The following EPHA5 variants were observed in gnomAD, a reference collection of about 807,000 sequenced individuals.
EPHA5 encodes the protein ephrin type-A receptor 5.
A neutral mutation model predicts 105.0 loss-of-function variants in EPHA5; 60 were observed. The observed-to-expected ratio is 0.57, with a 90% CI of 0.46 to 0.71. EPHA5 has a LOEUF of 0.71. Ranked by LOEUF, EPHA5 falls within the 30% of genes least tolerant of loss-of-function variation. The probability of loss-of-function intolerance (pLI) is 0.00; values close to 1 mark genes in which losing one functional copy is unlikely to be tolerated. For missense variants in EPHA5, 1,218 were observed against 1,274.7 expected, an observed-to-expected ratio of 0.96 and a Z score of 0.68; for synonymous variants, 513 against 449.1, an observed-to-expected ratio of 1.14 and a Z score of -1.80.
chr4:65,434,369 A>C (rs1319802236), intron 5 of EPHA5, among the ~76,000 whole-genome samples: 1 of 152,132 alleles, frequency 6.6e-6, no homozygotes, highest in Admixed American at 6.6e-5. Context: ...GGTTTTCGCC[A>C]TGTTTGTGTC....
chr4:65,431,457 T>C (rs1261762920), intron 5 of EPHA5, among the ~76,000 whole-genome samples: 3 of 152,176 alleles, frequency 2.0e-5, no homozygotes, highest in African/African-American at 4.8e-5. Flanking sequence ...AGGACTCATA[T>C]GTAAGTTTCT....
chr4:65,585,667 T>C (rs1742051570), intron 3 of EPHA5, among the ~76,000 whole-genome samples: 1 of 151,820 alleles, frequency 6.6e-6, no homozygotes, highest in Non-Finnish European at 1.5e-5. Context: ...AATCTGAAGA[T>C]TATTGGAGAT....
intron 12 of EPHA5, among the ~76,000 whole-genome samples, chr4:65,352,476 G>C (rs1489789133): frequency 6.6e-6 from 1 of 151,926 alleles, no homozygotes; most frequent in East Asian, 1.9e-4. Context: ...TTAAAATTTA[G>C]AGATTTGCAC....
chr4:65,622,164 C>A (rs1195571339), intron 2 of EPHA5, among the ~76,000 whole-genome samples: 2 of 151,958 alleles, frequency 1.3e-5, no homozygotes, highest in African/African-American at 2.4e-5. Flanking sequence ...AGAAAAGTAA[C>A]TTTTTTGTTG....
chr4:65,592,486 C>G (rs1167452540), intron 3 of EPHA5, among the ~76,000 whole-genome samples: 2 of 151,332 alleles, frequency 1.3e-5, no homozygotes, highest in Non-Finnish European at 2.9e-5. Flanking sequence ...TGGCTACATC[C>G]TCAAGAGGAC....
chr4:65,490,740 CAT>C (rs1247536471), intron 4 of EPHA5, 28 bp from the exon 5 acceptor site: 2 of 1,599,714 alleles, frequency 1.3e-6, no homozygotes, highest in Admixed American at 3.4e-5. Context: ...GTAAGAAAAA[CAT>C]ATTTTAAGAT....
rs1463589389 is a variant in EPHA5, at chr4:65,323,825, A to G, written c.*289T>C. 1 of 262,820 alleles carries G rather than the reference A, an allele frequency of 3.8e-6. No homozygotes were observed. The highest frequency in any genetic ancestry group is 7.3e-6 in the Non-Finnish European group (1 of 137,258). 16.3% of individuals were successfully genotyped at this position (262,820 alleles called of 1,614,324 possible). ...ATATAATTATATATTTCATGTACAA[A>G]ATTTTGTAGAAGTAGTGGGAAGGAT... On this transcript the variant is annotated 3_prime_UTR_variant, in exon 17 of 17. Transcript: ENST00000613740.
intron 1 of EPHA5, among the ~76,000 whole-genome samples, chr4:65,667,023 T>A (rs1750024541): frequency 1.3e-5 from 2 of 152,146 alleles, no homozygotes; most frequent in Non-Finnish European, 2.9e-5. Context: ...TCACTAAGCA[T>A]CTATAGATTG....
chr4:65,613,530 T>A (rs1442098724), intron 2 of EPHA5, among the ~76,000 whole-genome samples: 1 of 152,106 alleles, frequency 6.6e-6, no homozygotes, highest in Non-Finnish European at 1.5e-5. Context: ...TCAATTTGTT[T>A]GTGTCATCTA....
intron 3 of EPHA5, among the ~76,000 whole-genome samples, chr4:65,543,096 C>A (rs527910246): frequency 2.0e-5 from 3 of 151,938 alleles, no homozygotes; most frequent in Non-Finnish European, 4.4e-5. Flanking sequence ...CTATTTATTG[C>A]AAACCTACAG....
At chr4:65,475,586 C>G (rs774193381) in intron 5 of EPHA5, among the ~76,000 whole-genome samples, 6 of 152,074 alleles carry the variant, frequency 3.9e-5, no homozygotes, top group African/African-American at 1.4e-4. Flanking sequence ...GAAACCTCAG[C>G]ATGAGGTTTT....
chr4:65,584,875 A>G (rs1217289729), intron 3 of EPHA5, among the ~76,000 whole-genome samples: 1 of 152,010 alleles, frequency 6.6e-6, no homozygotes, highest in East Asian at 1.9e-4. Context: ...TATTACATAT[A>G]CAGCCTTCTT....
At chr4:65,457,181 G>T (rs574975661) in intron 5 of EPHA5, among the ~76,000 whole-genome samples, 2 of 152,270 alleles carry the variant, frequency 1.3e-5, no homozygotes, top group South Asian at 4.1e-4. Context: ...ACATTGAGCT[G>T]CACAGGAAGA....
chr4:65,646,249 T>C (rs1481965805), intron 1 of EPHA5, among the ~76,000 whole-genome samples: 1 of 152,142 alleles, frequency 6.6e-6, no homozygotes, highest in East Asian at 1.9e-4. Context: ...TCTAAAACAC[T>C]GAATGCACAG....
At chr4:65,574,631 T>TATATATATACAC (rs1489048013) in intron 3 of EPHA5, among the ~76,000 whole-genome samples, 5 of 81,638 alleles carry the variant, frequency 6.1e-5, no homozygotes, top group Non-Finnish European at 1.4e-4. Context: ...TATATACACA[T>TATATATATACAC]ATATATATAC....
At chr4:65,595,276 T>C (rs1743058973) in intron 3 of EPHA5, among the ~76,000 whole-genome samples, 1 of 152,122 alleles carries the variant, frequency 6.6e-6, no homozygotes, top group Non-Finnish European at 1.5e-5. Flanking sequence ...TGTATATATG[T>C]CCACATTCCT....
chr4:65,567,763 T>A (rs1739704279), intron 3 of EPHA5, among the ~76,000 whole-genome samples: 1 of 151,574 alleles, frequency 6.6e-6, no homozygotes, highest in Non-Finnish European at 1.5e-5. Context: ...AAACTCAAAA[T>A]ATGTATCAGT....
intron 13 of EPHA5, among the ~76,000 whole-genome samples, chr4:65,349,035 C>G (rs1441122351): frequency 6.6e-6 from 1 of 151,260 alleles, no homozygotes; most frequent in South Asian, 2.1e-4. Flanking sequence ...AGGCTGCTCT[C>G]CAACTCCTGA....
At chr4:65,576,131 AAAAG>A (rs1172045749) in intron 3 of EPHA5, among the ~76,000 whole-genome samples, 7 of 147,986 alleles carry the variant, frequency 4.7e-5, no homozygotes, top group African/African-American at 1.8e-4. Context: ...AAAAGAAAAG[AAAAG>A]AAAGAAAGAA....
Sources: allele counts gnomAD v4.1 joint callset (sites outside exome capture counted in the v4.1 genomes callset), GRCh38; gene constraint gnomAD v4.1.1; transcripts MANE v1.5; gene names NCBI Gene and HGNC (gene_info 2026-07-23, HGNC 2026-07-21).